The following CT47C1 variants were observed in gnomAD, a reference collection of about 807,000 sequenced individuals.
The protein encoded by CT47C1 is cancer/testis antigen family 47 member C1.
chrX:119,073,059 G>T, the CT47C1 span, among the ~76,000 whole-genome samples: 2 of 112,017 alleles, frequency 1.8e-5, no homozygotes, highest in Admixed American at 9.4e-5. Flanking sequence ...CCACCTTAGG[G>T]TGTCCTCAGA....
the CT47C1 span, chrX:119,074,868 G>T: frequency 1.1e-6 from 1 of 884,292 alleles, no homozygotes; most frequent in Non-Finnish European, 1.6e-6. Context: ...CTTCTCCTGA[G>T]GGTGGAGTAC....
At chrX:119,073,821 T>G in the CT47C1 span, 1 of 877,733 alleles carries the variant, frequency 1.1e-6, no homozygotes, top group Non-Finnish European at 1.7e-6. Flanking sequence ...GCCGCGTTGG[T>G]CCCAGAGCCT....
At chrX:119,073,448 G>A in the CT47C1 span, 3 of 515,688 alleles carry the variant, frequency 5.8e-6, no homozygotes, top group Non-Finnish European at 1.0e-5. Context: ...TGGGAACGCC[G>A]AGGAAGACTC....
chrX:119,073,428 C>T, the CT47C1 span: 3 of 516,412 alleles, frequency 5.8e-6, no homozygotes, highest in Non-Finnish European at 3.5e-6. Context: ...TTGGCCGCAG[C>T]CCCCGGGGGT....
At chrX:119,075,087 G>T in the CT47C1 span, 1 of 1,086,499 alleles carries the variant, frequency 9.2e-7, no homozygotes, top group Non-Finnish European at 1.3e-6. Flanking sequence ...CCTAGACGCA[G>T]CAGAGGGGAA....
chrX:119,076,196 ACT>A, the CT47C1 span: 1 of 112,072 alleles, frequency 8.9e-6, no homozygotes, highest in Admixed American at 9.4e-5. Flanking sequence ...AAGAAAGAAG[ACT>A]CTGTTGTTCA....
At chrX:119,074,039 G>A in the CT47C1 span, 4 of 552,203 alleles carry the variant, frequency 7.2e-6, no homozygotes, top group Admixed American at 2.9e-5. Flanking sequence ...GGAGGAGTCC[G>A]CAGAGGAACC....
At chrX:119,073,875 A>T in the CT47C1 span, 1 of 860,468 alleles carries the variant, frequency 1.2e-6, no homozygotes, top group Non-Finnish European at 1.7e-6. Context: ...GAGCCTGCAG[A>T]AGAGCCCGCA....
the CT47C1 span, chrX:119,073,678 C>T: frequency 3.3e-6 from 2 of 609,296 alleles, no homozygotes; most frequent in South Asian, 2.8e-5. Flanking sequence ...GGATGCGTGG[C>T]GGCCGCCTGA....
the CT47C1 span, chrX:119,073,566 C>T: frequency 1.9e-6 from 1 of 524,878 alleles, no homozygotes; most frequent in Non-Finnish European, 3.4e-6. Flanking sequence ...GACTTGGTCG[C>T]GGCCGCCCGT....
the CT47C1 span, chrX:119,074,030 G>A: frequency 3.5e-6 from 2 of 578,680 alleles, no homozygotes; most frequent in Non-Finnish European, 5.7e-6. Context: ...GGCTGCAGAG[G>A]AGGAGTCCGC....
At chrX:119,073,155 T>G in the CT47C1 span, 5 of 440,482 alleles carry the variant, frequency 1.1e-5, no homozygotes, top group Non-Finnish European at 2.0e-5. Flanking sequence ...CACAGCCACA[T>G]CAGTGGCCAC....
the CT47C1 span, chrX:119,073,498 G>T: frequency 5.8e-6 from 3 of 513,331 alleles, no homozygotes; most frequent in South Asian, 2.5e-5. Flanking sequence ...AGGAGGAGGA[G>T]GATGAGGAGG....
At chrX:119,074,572 G>A in the CT47C1 span, among the ~76,000 whole-genome samples, 2 of 111,472 alleles carry the variant, frequency 1.8e-5, no homozygotes, top group African/African-American at 6.5e-5. Flanking sequence ...GGGGGGTGAG[G>A]AACCAATGAG....
the CT47C1 span, chrX:119,073,753 G>C: frequency 1.3e-6 from 1 of 799,424 alleles, no homozygotes; most frequent in Non-Finnish European, 1.8e-6. Context: ...TGGTGCATGA[G>C]AGGCTGGGCG....
chrX:119,074,026 A>C, the CT47C1 span: 3 of 581,693 alleles, frequency 5.2e-6, no homozygotes, highest in Non-Finnish European at 8.4e-6. Flanking sequence ...AACCGGCTGC[A>C]GAGGAGGAGT....
the CT47C1 span, chrX:119,073,842 C>G: frequency 2.3e-6 from 2 of 877,189 alleles, no homozygotes; most frequent in Non-Finnish European, 3.3e-6. Flanking sequence ...GAGGTGCCAG[C>G]AGACCTGGCC....
chrX:119,075,191 AT>A, the CT47C1 span: 10 of 998,706 alleles, frequency 1.0e-5, no homozygotes, highest in South Asian at 1.3e-4. Context: ...TTAAAATAAA[AT>A]TCCCAGTAAA....
At chrX:119,073,271 G>A in the CT47C1 span, 4 of 498,001 alleles carry the variant, frequency 8.0e-6, no homozygotes, top group Admixed American at 3.0e-5. Context: ...GGACCAGGAG[G>A]CTCCAGTGAA....
Sources: gnomAD v4.1 joint callset for allele counts (sites outside exome capture counted in the v4.1 genomes callset) on GRCh38, gnomAD v4.1.1 for gene constraint, MANE v1.5 for transcripts, NCBI Gene and HGNC (gene_info 2026-07-23, HGNC 2026-07-21) for gene names.